The following ACVR1 variants were observed in gnomAD, a reference collection of about 807,000 sequenced individuals.
The protein encoded by ACVR1 is activin A receptor type 1.
Under a neutral mutation model 57.1 loss-of-function variants are expected in ACVR1, and 38 were observed. That is an observed-to-expected ratio of 0.67 (90% confidence interval 0.51 to 0.87). The LOEUF (loss-of-function observed/expected upper bound fraction) is 0.87. Among genes scored for constraint, ACVR1 ranks in the 40% least tolerant of loss-of-function variants. The pLI is 0.00. For synonymous variants in ACVR1, 212 were observed against 228.1 expected (o/e 0.93, Z 0.63); for missense variants, 463 against 638.2 (o/e 0.73, Z 2.96).
At chr2:157,761,715 C>T (rs1685664096) in intron 8 of ACVR1, among the ~76,000 whole-genome samples, 1 of 152,186 alleles carries the variant, frequency 6.6e-6, no homozygotes, top group Non-Finnish European at 1.5e-5. Flanking sequence ...TTTCTTAAAC[C>T]ATGACTCATT....
intron 9 of ACVR1, among the ~76,000 whole-genome samples, chr2:157,744,869 A>C (rs1177401471): frequency 1.3e-5 from 2 of 152,234 alleles, no homozygotes; most frequent in African/African-American, 4.8e-5. Flanking sequence ...ACACTGCCAG[A>C]GGGTTATGAG....
intron 1 of ACVR1, among the ~76,000 whole-genome samples, chr2:157,871,367 G>A (rs1230408791): frequency 2.0e-5 from 3 of 152,192 alleles, no homozygotes; most frequent in African/African-American, 7.2e-5. Context: ...GCAATGCAGA[G>A]ACCAGAACAG....
At chr2:157,874,954 T>C (rs1690232541) in intron 1 of ACVR1, 1 of 149,040 alleles carries the variant, frequency 6.7e-6, no homozygotes, top group Non-Finnish European at 1.5e-5. Context: ...CTTCTCTAAG[T>C]AGCTTTTCTC....
At chr2:157,867,959 C>T (rs969314784) in intron 1 of ACVR1, among the ~76,000 whole-genome samples, 1 of 152,178 alleles carries the variant, frequency 6.6e-6, no homozygotes, top group African/African-American at 2.4e-5. Flanking sequence ...CCAAGGCCTG[C>T]TTTCATGCCT....
chr2:157,753,979 T>C (rs772342963), intron 9 of ACVR1, among the ~76,000 whole-genome samples: 3 of 152,174 alleles, frequency 2.0e-5, no homozygotes, highest in Non-Finnish European at 4.4e-5. Flanking sequence ...TGCAAATAGA[T>C]GGAAATTAAA....
At chr2:157,869,345 G>C (rs558972255) in intron 1 of ACVR1, among the ~76,000 whole-genome samples, 1 of 152,122 alleles carries the variant, frequency 6.6e-6, no homozygotes, top group African/African-American at 2.4e-5. Flanking sequence ...AAAAGAAAAC[G>C]AAAGTCTCAT....
chr2:157,787,234 C>T (rs906887092), intron 3 of ACVR1, among the ~76,000 whole-genome samples: 11 of 152,108 alleles, frequency 7.2e-5, no homozygotes, highest in African/African-American at 1.4e-4. Context: ...CTTTTCCATG[C>T]CTTTTATGAT....
At chr2:157,845,827 A>G (rs1183197653) in intron 1 of ACVR1, among the ~76,000 whole-genome samples, 2 of 152,224 alleles carry the variant, frequency 1.3e-5, no homozygotes, top group Admixed American at 1.3e-4. Context: ...TCTAGGCCCT[A>G]TTAACTGTAT....
intron 1 of ACVR1, among the ~76,000 whole-genome samples, chr2:157,835,729 G>T (rs2105349323): frequency 6.6e-6 from 1 of 152,268 alleles, no homozygotes; most frequent in Admixed American, 6.5e-5. Context: ...CCCCACAGTA[G>T]GGCTGAAAAC....
intron 9 of ACVR1, among the ~76,000 whole-genome samples, chr2:157,745,766 A>T (rs568920305): frequency 6.6e-6 from 1 of 152,354 alleles, no homozygotes; most frequent in African/African-American, 2.4e-5. Flanking sequence ...TAGGTAATTA[A>T]CGTCATGAAA....
chr2:157,826,525 T>C (rs576754198), intron 1 of ACVR1: 153 of 151,604 alleles, frequency 1.0e-3, no homozygotes, highest in Non-Finnish European at 1.7e-3. Context: ...GGGTGGCACA[T>C]ACCTGTAGTC....
In ACVR1 at chr2:157,770,487, C is replaced by T. The variant is rs1686031068; in HGVS notation, c.671G>A (p.Arg224Lys). 1 of 1,614,058 alleles carries T rather than the reference C, an allele frequency of 6.2e-7. No homozygotes were observed. ...VGKGRYGEVW[R>K]GSWQGENVAV... ...AACATTCTCCCCTTGCCAGCTGCCC[C>T]TCCACACCTCACCATACCTGCCTTT... Residue 224 changes from arginine (R) to lysine (K), a missense_variant, in exon 7 of 11, where the codon AGG (arginine) becomes AAG (lysine). By Grantham distance (26) the Arg-to-Lys change is conservative (BLOSUM62 2). This residue lies in a region of ACVR1 where 114 missense variants were observed against 216.2 expected (regional missense o/e 0.53). Transcript: ENST00000434821.
At chr2:157,762,300 T>C (rs971911544) in intron 8 of ACVR1, among the ~76,000 whole-genome samples, 2 of 152,254 alleles carry the variant, frequency 1.3e-5, no homozygotes, top group African/African-American at 2.4e-5. Context: ...ACTGCTATCA[T>C]TGTTCCATTT....
intron 2 of ACVR1, among the ~76,000 whole-genome samples, chr2:157,804,302 G>T (rs951265413): frequency 3.3e-5 from 5 of 152,274 alleles, no homozygotes; most frequent in Non-Finnish European, 4.4e-5. Flanking sequence ...TACAGTTTTA[G>T]AAATTTCATT....
chr2:157,769,633 A>G (rs1002884120), intron 7 of ACVR1, among the ~76,000 whole-genome samples: 3 of 152,336 alleles, frequency 2.0e-5, no homozygotes, highest in East Asian at 1.9e-4. Context: ...ACCTAATCCA[A>G]TAGCCATAAG....
rs779328796 is a variant in ACVR1 at position 157,766,082 on chromosome 2, G to A, written c.905C>T (p.Thr302Ile). 3 of 1,613,960 alleles carry A rather than the reference G, an allele frequency of 1.9e-6. No homozygotes were observed. The highest frequency in any genetic ancestry group is 1.3e-5 in the African/African-American group (1 of 74,900). Residue 302 changes from threonine (T) to isoleucine (I), a missense_variant, in exon 8 of 11, where the codon ACA becomes ATA. Transcript: ENST00000434821. ...YDYLQLTTLD[T>I]VSCLRIVLSI... Reference sequence around the variant, plus strand: ...CAGCACTATTCGAAGGCAGCTAACTGTATCCAGAGTAGTAAGCTGAAGATA... The same window carrying A: ...CAGCACTATTCGAAGGCAGCTAACTATATCCAGAGTAGTAAGCTGAAGATA...
chr2:157,863,011 CTTTTTTTTT>C (rs374223805), intron 1 of ACVR1, among the ~76,000 whole-genome samples: 7 of 62,332 alleles, frequency 1.1e-4, no homozygotes, highest in African/African-American at 2.2e-4. Flanking sequence ...AGAACATTTA[CTTTTTTTTT>C]TTTTTTTTTT....
chr2:157,850,992 GTTAACTTAACAGATCCATC>G (rs905291603), intron 1 of ACVR1, among the ~76,000 whole-genome samples: 4 of 152,066 alleles, frequency 2.6e-5, no homozygotes, highest in African/African-American at 7.2e-5. Context: ...TAGCAGATCT[GTTAACTTAACAGATCCATC>G]TTAACTTAAC....
At chr2:157,859,154 G>T (rs111381986) in intron 1 of ACVR1, among the ~76,000 whole-genome samples, 4,206 of 152,216 alleles carry the variant, frequency 0.028, 148 homozygotes, top group African/African-American at 0.083. Context: ...GAAATAGGAG[G>T]TCGGCACAAG....
Sources: gnomAD v4.1 joint callset for allele counts (sites outside exome capture counted in the v4.1 genomes callset) on GRCh38, gnomAD v4.1.1 for gene constraint, gnomAD v4.1.1 regional missense constraint, MANE v1.5 for transcripts, NCBI Gene and HGNC (gene_info 2026-07-23, HGNC 2026-07-21) for gene names.